The following MEGF6 variants were observed in gnomAD, a reference collection of about 807,000 sequenced individuals.
MEGF6 encodes multiple epidermal growth factor-like domains protein 6.
In MEGF6, 184 loss-of-function variants were observed where a neutral mutation model predicts 207.1. The observed-to-expected ratio is 0.89, with a 90% CI of 0.79 to 1.00. MEGF6 has a LOEUF of 1.00. MEGF6 is among the 50% of genes least tolerant of loss of function. The probability of loss-of-function intolerance (pLI) is 0.00; values close to 1 mark genes in which losing one functional copy is unlikely to be tolerated. For synonymous variants in MEGF6, 1,038 were observed against 910.0 expected, an observed-to-expected ratio of 1.14 and a Z score of -2.53; for missense variants, 2,282 against 2,202.9, an observed-to-expected ratio of 1.04 and a Z score of -0.72.
intron 1 of MEGF6, 54 bp from the exon 2 acceptor site, chr1:3,602,654 C>A (rs944976896): frequency 2.2e-5 from 34 of 1,559,994 alleles, no homozygotes; most frequent in Middle Eastern, 3.6e-4. Context: ...CCGGCAACAC[C>A]CACCCCTCCT....
intron 4 of MEGF6, chr1:3,531,198 C>T (rs560399176): frequency 8.6e-6 from 13 of 1,510,956 alleles, no homozygotes; most frequent in South Asian, 5.0e-5. Context: ...CCCCCAGGAG[C>T]CCAAGGCACC....
intron 13 of MEGF6, among the ~76,000 whole-genome samples, chr1:3,508,298 G>C (rs1487631909): frequency 1.3e-5 from 2 of 152,240 alleles, no homozygotes; most frequent in Non-Finnish European, 2.9e-5. Context: ...CGTGAAGACT[G>C]ATATTTAGGA....
the MEGF6 span, among the ~76,000 whole-genome samples, chr1:3,621,586 C>T: frequency 8.5e-5 from 13 of 152,106 alleles, no homozygotes; most frequent in Admixed American, 1.3e-4. Flanking sequence ...CTTATTACAC[C>T]GGAACAGCTC....
Position 3,501,335 on chromosome 1 carries a change from G to C in MEGF6, c.2315-27C>G, listed in dbSNP as rs765232374. The C allele has an allele frequency of 2.5e-6, 4 of 1,578,416 alleles. No individual in the cohort carries two copies. In the East Asian group the frequency reaches 9.4e-5, roughly 37 times the overall value. Reference sequence around the variant, plus strand: ...TAGTGCCCACCCCCATGGCCAGTCAGTGCCCAAGCTGCCCTTGCTCAACAC... The same window carrying C: ...TAGTGCCCACCCCCATGGCCAGTCACTGCCCAAGCTGCCCTTGCTCAACAC... On this transcript the variant is annotated intron_variant, in intron 18 of 36. Transcript: ENST00000356575.
At chr1:3,552,910 A>G (rs1642929815) in intron 4 of MEGF6, among the ~76,000 whole-genome samples, 1 of 151,930 alleles carries the variant, frequency 6.6e-6, no homozygotes, top group Admixed American at 6.5e-5. Context: ...ACCAGTGGAC[A>G]GATCAGATGC....
chr1:3,572,558 C>T (rs1643534150), intron 4 of MEGF6, among the ~76,000 whole-genome samples: 2 of 144,450 alleles, frequency 1.4e-5, no homozygotes, highest in Admixed American at 1.4e-4. Flanking sequence ...TGGGTTCTCT[C>T]AGGTATGCTG....
chr1:3,500,394 G>A lies in MEGF6; in HGVS notation c.2707+239C>T, dbSNP rs1023702385. Among the ~76,000 whole-genome samples, 81 of 152,390 alleles carry A rather than the reference G, an allele frequency of 5.3e-4. 1 individual carries two copies. The highest frequency in any genetic ancestry group is 1.7e-3 in the African/African-American group (71 of 41,598). On this transcript the variant is annotated intron_variant, in intron 21 of 36. Transcript: ENST00000356575. ...TCCAGGCTGCGAAGCAGAGCAGTGGGGGCTGGGAAAGCTCAGGAAAGGCAG... is the reference window on the plus strand; with the variant it reads ...TCCAGGCTGCGAAGCAGAGCAGTGGAGGCTGGGAAAGCTCAGGAAAGGCAG...
intron 4 of MEGF6, among the ~76,000 whole-genome samples, chr1:3,551,461 G>A (rs1413348545): frequency 1.3e-5 from 2 of 152,090 alleles, no homozygotes; most frequent in East Asian, 1.9e-4. Flanking sequence ...CATCACTCTG[G>A]GCAGTGCCTC....
chr1:3,586,762 G>A (rs1570201040), intron 3 of MEGF6, among the ~76,000 whole-genome samples: 1 of 152,198 alleles, frequency 6.6e-6, no homozygotes, highest in African/African-American at 2.4e-5. Flanking sequence ...TTCCCAGCAG[G>A]CCCAGCCAAC....
At chr1:3,620,081 T>C in the MEGF6 span, among the ~76,000 whole-genome samples, 2 of 152,186 alleles carry the variant, frequency 1.3e-5, no homozygotes, top group African/African-American at 4.8e-5. Context: ...TAGAGATCCG[T>C]GGAACTTTGA....
intron 3 of MEGF6, among the ~76,000 whole-genome samples, chr1:3,587,364 A>G (rs1301832020): frequency 6.6e-6 from 1 of 152,184 alleles, no homozygotes. Flanking sequence ...AGACCAGGAG[A>G]TGCTTTTTGT....
At chr1:3,559,103 C>T (rs1211952515) in intron 4 of MEGF6, among the ~76,000 whole-genome samples, 2 of 152,228 alleles carry the variant, frequency 1.3e-5, no homozygotes, top group Non-Finnish European at 2.9e-5. Flanking sequence ...CTCATCCCCT[C>T]CCTCTGCACT....
At chr1:3,538,463 C>T (rs1448157846) in intron 4 of MEGF6, among the ~76,000 whole-genome samples, 1 of 152,234 alleles carries the variant, frequency 6.6e-6, no homozygotes, top group Non-Finnish European at 1.5e-5. Flanking sequence ...GAAACCACCG[C>T]TGTTTCCGCG....
intron 4 of MEGF6, chr1:3,547,208 G>A (rs1427844609): frequency 6.6e-6 from 1 of 152,598 alleles, no homozygotes; most frequent in African/African-American, 2.4e-5. Flanking sequence ...TCAGAGGGAT[G>A]AGGCTCAGGG....
At chr1:3,508,069 A>T in intron 13 of MEGF6, 146 bp from the exon 14 acceptor site, 1 of 840,088 alleles carries the variant, frequency 1.2e-6, no homozygotes, top group South Asian at 1.8e-5. Flanking sequence ...GCCCATGCTC[A>T]TGGCAGACAT....
chr1:3,516,767 G>A (rs1233544267), intron 5 of MEGF6, among the ~76,000 whole-genome samples: 2 of 152,190 alleles, frequency 1.3e-5, no homozygotes, highest in African/African-American at 2.4e-5. Context: ...AAAACCCACC[G>A]TGCTCGCCGT....
At chr1:3,513,208 T>C (rs914868718) in intron 7 of MEGF6, among the ~76,000 whole-genome samples, 1 of 152,056 alleles carries the variant, frequency 6.6e-6, no homozygotes, top group Non-Finnish European at 1.5e-5. Flanking sequence ...TTTACTTGTT[T>C]ATTTATTTAT....
chr1:3,589,656 G>A (rs952843609), intron 3 of MEGF6, among the ~76,000 whole-genome samples: 2 of 152,222 alleles, frequency 1.3e-5, no homozygotes, highest in African/African-American at 4.8e-5. Flanking sequence ...GCCCCAGGAG[G>A]TCAGGGCAGG....
intron 5 of MEGF6, among the ~76,000 whole-genome samples, chr1:3,515,944 A>C (rs1343949362): frequency 6.6e-6 from 1 of 152,212 alleles, no homozygotes; most frequent in Non-Finnish European, 1.5e-5. Flanking sequence ...GCAGGCTGGC[A>C]GGGGGTGACT....
Sources: gnomAD v4.1 joint callset for allele counts (sites outside exome capture counted in the v4.1 genomes callset) on GRCh38, gnomAD v4.1.1 for gene constraint, MANE v1.5 for transcripts, NCBI Gene and HGNC (gene_info 2026-07-23, HGNC 2026-07-21) for gene names.